The following PBX1 variants were observed in gnomAD, a reference collection of about 807,000 sequenced individuals.
PBX1 encodes the protein PBX homeobox 1, also known as pre-B-cell leukemia transcription factor 1.
Under a neutral mutation model 53.4 loss-of-function variants are expected in PBX1, and 6 were observed. The observed-to-expected ratio is 0.11, with a 90% CI of 0.06 to 0.22. PBX1 has a LOEUF of 0.22. Among genes scored for constraint, PBX1 ranks in the 10% least tolerant of loss-of-function variants. The probability of loss-of-function intolerance (pLI) is 1.00; values close to 1 mark genes in which losing one functional copy is unlikely to be tolerated. For missense variants in PBX1, 251 were observed against 551.4 expected (o/e 0.46, Z 5.46); for synonymous variants, 204 against 212.3 (o/e 0.96, Z 0.34).
chr1:164,573,785 A>G (rs1449393056), intron 2 of PBX1, among the ~76,000 whole-genome samples: 1 of 152,210 alleles, frequency 6.6e-6, no homozygotes, highest in Non-Finnish European at 1.5e-5. Flanking sequence ...CGTGCCCAGC[A>G]TTTATAGCAT....
intron 2 of PBX1, among the ~76,000 whole-genome samples, chr1:164,686,884 G>A (rs1450828655): frequency 6.6e-6 from 1 of 151,880 alleles, no homozygotes; most frequent in Non-Finnish European, 1.5e-5. Flanking sequence ...GTGAACCTGG[G>A]AGGCAGAGCT....
intron 2 of PBX1, among the ~76,000 whole-genome samples, chr1:164,569,564 A>ATTTTTTTTTTTTTTTTTTTTTTTTTT (rs71097535): frequency 1.3e-5 from 1 of 78,186 alleles, no homozygotes; most frequent in Non-Finnish European, 2.3e-5. Flanking sequence ...TTTTCCTTGC[A>ATTTTTTTTTTTTTTTTTTTTTTTTTT]TTTTTTTTTT....
intron 2 of PBX1, among the ~76,000 whole-genome samples, chr1:164,718,336 G>A (rs1664222877): frequency 1.3e-5 from 2 of 152,176 alleles, no homozygotes; most frequent in African/African-American, 4.8e-5. Flanking sequence ...AGCCATGCCT[G>A]GGGTGAAAAT....
intron 2 of PBX1, among the ~76,000 whole-genome samples, chr1:164,663,261 C>T (rs1035398650): frequency 3.3e-5 from 5 of 151,230 alleles, no homozygotes; most frequent in Non-Finnish European, 7.4e-5. Context: ...TGCCTGCCTG[C>T]CTGCCTGCCT....
In PBX1 at chr1:164,849,154, C is replaced by A; in HGVS notation, c.*2478C>A. On this transcript the variant is annotated 3_prime_UTR_variant, in exon 9 of 9. Coordinates refer to ENST00000420696, the MANE Select transcript of PBX1 (RefSeq NM_002585.4). ...AGTACGAAAGAGAGACAAAAGGGTT[C>A]TCTTGGAAACAAGAAGAGTGACTCC... is the stretch of plus-strand genomic sequence containing the variant. 9.3e-6 allele frequency: 13 copies of A among 1,393,448 alleles called. No individual in the cohort carries two copies. Among genetic ancestry groups the A allele is most frequent in the Non-Finnish European group, 1.0e-5 (11 of 1,074,246 alleles). 86.3% of individuals were successfully genotyped at this position (1,393,448 alleles called of 1,614,324 possible).
intron 6 of PBX1, chr1:164,815,917 A>G (rs1357615564): frequency 1.3e-5 from 2 of 152,350 alleles, no homozygotes. Flanking sequence ...ATGAAAGGTT[A>G]TTATATTAAA....
intron 2 of PBX1, among the ~76,000 whole-genome samples, chr1:164,718,815 G>C (rs1284646430): frequency 6.6e-6 from 1 of 152,154 alleles, no homozygotes; most frequent in Non-Finnish European, 1.5e-5. Context: ...TTGAAAAAGA[G>C]GTCTGTTTCA....
At chr1:164,867,885 C>A (rs1298116218) in intron 2 of PBX1, among the ~76,000 whole-genome samples, 1 of 152,224 alleles carries the variant, frequency 6.6e-6, no homozygotes, top group Non-Finnish European at 1.5e-5. Context: ...ACAGGAGACC[C>A]AAGAAATCCC....
intron 2 of PBX1, among the ~76,000 whole-genome samples, chr1:164,879,236 G>A (rs1301824097): frequency 6.6e-6 from 1 of 151,488 alleles, no homozygotes; most frequent in Non-Finnish European, 1.5e-5. Flanking sequence ...ACATTTATTT[G>A]CCTGATTGGC....
rs538452002 is a variant in PBX1, at chr1:164,782,657, G to T, written c.266-9837G>T. On this transcript the variant is annotated intron_variant, in intron 2 of 8. Transcript: ENST00000420696. ...AACTTAGTTCTGATGAAATTGTTTG[G>T]AAAGTTAGAGAAAAACTAGTTCTGT... 2.0e-5 allele frequency among the ~76,000 whole-genome samples: 3 copies of T among 152,312 alleles called. No individual in the cohort carries two copies. The East Asian group carries it at 5.8e-4, about 29-fold the overall frequency.
At chr1:164,787,058 T>G (rs1009551865) in intron 2 of PBX1, among the ~76,000 whole-genome samples, 7 of 152,152 alleles carry the variant, frequency 4.6e-5, no homozygotes, top group African/African-American at 1.7e-4. Context: ...ACTGCATAGC[T>G]GACTTGGGAA....
chr1:164,579,683 G>A (rs1342997518), intron 2 of PBX1, among the ~76,000 whole-genome samples: 1 of 152,150 alleles, frequency 6.6e-6, no homozygotes, highest in Non-Finnish European at 1.5e-5. Context: ...CTTTATACTT[G>A]TGTGCTCCAA....
At chr1:164,776,937 T>TGTGTGTGTGGG (rs1667688230) in intron 2 of PBX1, among the ~76,000 whole-genome samples, 2 of 26,972 alleles carry the variant, frequency 7.4e-5, no homozygotes, top group African/African-American at 3.2e-4. Flanking sequence ...GTGTGTGTGG[T>TGTGTGTGTGGG]GGGAGGAGAG....
intron 2 of PBX1, among the ~76,000 whole-genome samples, chr1:164,870,356 T>C (rs4657380): frequency 0.19 from 14,813 of 77,600 alleles, 1,780 homozygotes; most frequent in East Asian, 0.33. Flanking sequence ...TTTCTTTCTT[T>C]CTTTCGAGAT....
At chr1:164,650,584 G>A (rs1659743664) in intron 2 of PBX1, among the ~76,000 whole-genome samples, 1 of 152,118 alleles carries the variant, frequency 6.6e-6, no homozygotes, top group Admixed American at 6.5e-5. Context: ...TTTACAGTCT[G>A]CATTATGTGG....
At chr1:164,632,506 C>A (rs1013266121) in intron 2 of PBX1, among the ~76,000 whole-genome samples, 2 of 152,068 alleles carry the variant, frequency 1.3e-5, no homozygotes, top group African/African-American at 4.8e-5. Context: ...GGATGAAAAG[C>A]CAACATCAAT....
At chr1:164,844,767 A>T (rs1194082938) in intron 8 of PBX1, among the ~76,000 whole-genome samples, 1 of 152,204 alleles carries the variant, frequency 6.6e-6, no homozygotes, top group Non-Finnish European at 1.5e-5. Context: ...GCAGACTTTC[A>T]TTAGGAATTT....
At position 164,848,483 on chromosome 1, in the gene PBX1, T is replaced by G. The variant is rs918144489; in HGVS notation, c.*1807T>G. ...AGTAATGTCCCTGAAATAAACGGGTTCATGCCATCTAGGGACAATAAATGG... is the reference window on the plus strand; with the variant it reads ...AGTAATGTCCCTGAAATAAACGGGTGCATGCCATCTAGGGACAATAAATGG... On this transcript the variant is annotated 3_prime_UTR_variant, in exon 9 of 9. Coordinates refer to ENST00000420696, the MANE Select transcript of PBX1 (RefSeq NM_002585.4). 1.8e-5 allele frequency: 19 copies of G among 1,058,546 alleles called. No homozygotes were observed. The highest frequency in any genetic ancestry group is 2.2e-5 in the Non-Finnish European group (19 of 875,056). The allele number at this position is 1,058,546 out of a possible 1,614,324, so 65.6% of individuals were successfully genotyped here. A position where few individuals can be genotyped will look rare whatever the true frequency, so the allele number is the denominator to read the frequency against.
intron 2 of PBX1, among the ~76,000 whole-genome samples, chr1:164,666,047 G>A (rs1234803691): frequency 6.6e-6 from 1 of 152,130 alleles, no homozygotes; most frequent in Non-Finnish European, 1.5e-5. Flanking sequence ...TCTCAGTGTT[G>A]GGCAACTCCA....
Sources: gnomAD v4.1 joint callset for allele counts (sites outside exome capture counted in the v4.1 genomes callset) on GRCh38, gnomAD v4.1.1 for gene constraint, MANE v1.5 for transcripts, NCBI Gene and HGNC (gene_info 2026-07-23, HGNC 2026-07-21) for gene names.